SEMA5A: variants seen among roughly 807,000 people sequenced by gnomAD.
SEMA5A encodes the protein semaphorin 5A, also known as semaphorin-5A.
Under a neutral mutation model 135.5 loss-of-function variants are expected in SEMA5A, and 55 were observed. That is an observed-to-expected ratio of 0.41 (90% CI 0.33 to 0.51). The LOEUF (loss-of-function observed/expected upper bound fraction) is 0.51. Among genes scored for constraint, SEMA5A ranks in the 20% least tolerant of loss-of-function variants. The pLI, the probability that SEMA5A is intolerant of heterozygous loss-of-function variation, is 0.37. For missense variants in SEMA5A, 1,290 were observed against 1,419.9 expected (o/e 0.91, Z 1.47); for synonymous variants, 580 against 546.5 (o/e 1.06, Z -0.85).
chr5:9,066,216 C>A (rs1311039583), intron 17 of SEMA5A, among the ~76,000 whole-genome samples: 1 of 152,200 alleles, frequency 6.6e-6, no homozygotes, highest in African/African-American at 2.4e-5. Flanking sequence ...CATAGTATCA[C>A]TTCAATATCT....
intron 1 of SEMA5A, among the ~76,000 whole-genome samples, chr5:9,495,500 A>T (rs1358561866): frequency 1.3e-5 from 2 of 152,170 alleles, no homozygotes; most frequent in Non-Finnish European, 2.9e-5. Flanking sequence ...ATCATTAAAT[A>T]TATATTTATT....
At chr5:9,090,547 G>A (rs966609024) in intron 16 of SEMA5A, among the ~76,000 whole-genome samples, 4 of 152,194 alleles carry the variant, frequency 2.6e-5, no homozygotes, top group Admixed American at 2.6e-4. Flanking sequence ...GGGGACTTCT[G>A]GTGCAACTGT....
intron 2 of SEMA5A, among the ~76,000 whole-genome samples, chr5:9,416,844 T>G (rs1205566130): frequency 6.6e-6 from 1 of 152,162 alleles, no homozygotes; most frequent in African/African-American, 2.4e-5. Flanking sequence ...AAATTTCCTA[T>G]AATGTGCTAC....
chr5:9,380,991 A>T (rs2126483578), intron 2 of SEMA5A, among the ~76,000 whole-genome samples: 1 of 152,264 alleles, frequency 6.6e-6, no homozygotes, highest in South Asian at 2.1e-4. Context: ...AGAGGTACGC[A>T]ACATGTTTTA....
At chr5:9,448,424 T>G (rs532167828) in intron 1 of SEMA5A, among the ~76,000 whole-genome samples, 37 of 152,344 alleles carry the variant, frequency 2.4e-4, no homozygotes, top group Middle Eastern at 3.4e-3. Flanking sequence ...TGACACATGG[T>G]AAACCCCTAG....
chr5:9,422,430 A>G (rs1757500376), intron 2 of SEMA5A: 1 of 152,252 alleles, frequency 6.6e-6, no homozygotes, highest in Admixed American at 6.5e-5. Flanking sequence ...AAGAAGCATC[A>G]TGAAAGGGGA....
intron 4 of SEMA5A, among the ~76,000 whole-genome samples, chr5:9,320,207 C>A (rs1488719245): frequency 1.3e-5 from 2 of 152,184 alleles, no homozygotes; most frequent in Non-Finnish European, 1.5e-5. Context: ...TCAAATCTCA[C>A]CTCTGATATA....
intron 1 of SEMA5A, among the ~76,000 whole-genome samples, chr5:9,499,212 A>C (rs1028388122): frequency 3.3e-5 from 5 of 152,294 alleles, no homozygotes; most frequent in Admixed American, 1.3e-4. Context: ...TGCTCTTAAA[A>C]CTTCACAAAC....
chr5:9,470,094 T>TA (rs1353067340), intron 1 of SEMA5A, among the ~76,000 whole-genome samples: 4 of 152,184 alleles, frequency 2.6e-5, no homozygotes, highest in Non-Finnish European at 5.9e-5. Context: ...ATGAGCATGT[T>TA]AGGGGGGGTT....
chr5:9,054,775 G>A (rs76089462), intron 18 of SEMA5A, among the ~76,000 whole-genome samples: 2,745 of 152,292 alleles, frequency 0.018, 33 homozygotes, highest in Non-Finnish European at 0.027. Context: ...ATAGAGAAAA[G>A]CTAACACGTC....
At chr5:9,335,205 T>C (rs758582818) in intron 4 of SEMA5A, among the ~76,000 whole-genome samples, 1 of 151,754 alleles carries the variant, frequency 6.6e-6, no homozygotes, top group South Asian at 2.1e-4. Flanking sequence ...ATGGAAACCA[T>C]TGGAGATATT....
At chr5:9,060,647 G>T (rs1027482165) in intron 18 of SEMA5A, among the ~76,000 whole-genome samples, 1 of 152,116 alleles carries the variant, frequency 6.6e-6, no homozygotes, top group African/African-American at 2.4e-5. Flanking sequence ...GGCAGAGGAG[G>T]AGTCTCCTGA....
intron 11 of SEMA5A, among the ~76,000 whole-genome samples, chr5:9,185,030 C>A (rs1744731624): frequency 6.6e-6 from 1 of 152,120 alleles, no homozygotes; most frequent in Non-Finnish European, 1.5e-5. Context: ...TAGGCTCAAG[C>A]AATCCTCCCA....
At chr5:9,155,497 C>G (rs1317758758) in intron 11 of SEMA5A, among the ~76,000 whole-genome samples, 3 of 152,182 alleles carry the variant, frequency 2.0e-5, no homozygotes, top group Non-Finnish European at 4.4e-5. Context: ...CTGTGCTGCA[C>G]CCCGCAACTC....
intron 16 of SEMA5A, among the ~76,000 whole-genome samples, chr5:9,088,219 C>T (rs1372950032): frequency 6.6e-6 from 1 of 150,904 alleles, no homozygotes; most frequent in Non-Finnish European, 1.5e-5. Flanking sequence ...CAGGAGAATC[C>T]CTTGAACCCA....
rs142963977 is a variant in SEMA5A at position 9,267,765 on chromosome 5, G to A, written c.271-29875C>T. 1.6e-3 allele frequency among the ~76,000 whole-genome samples: 240 copies of A among 152,198 alleles called. 1 individual carries two copies. The highest frequency in any genetic ancestry group is 2.3e-3 in the Non-Finnish European group (156 of 68,010). ...ATCGACTTCAGAATCATCTCTGGCC[G>A]GGGTGGGCATGGGCGAAGTGGATAA... On this transcript the variant is annotated intron_variant, in intron 5 of 22. Transcript: ENST00000382496.
chr5:9,066,677 T>C (rs1272049914), intron 16 of SEMA5A, 31 bp from the exon 17 acceptor site: 3 of 1,603,494 alleles, frequency 1.9e-6, no homozygotes, highest in Non-Finnish European at 2.6e-6. Context: ...AGTGTTACTA[T>C]ACGGGGTAAA....
chr5:9,154,445 T>C, intron 12 of SEMA5A, 43 bp downstream of exon 12: 1 of 1,597,002 alleles, frequency 6.3e-7, no homozygotes, highest in Non-Finnish European at 8.6e-7. Context: ...GGGTGGGCCC[T>C]TCACACACAC....
intron 2 of SEMA5A, among the ~76,000 whole-genome samples, chr5:9,434,156 G>T (rs909212493): frequency 6.6e-5 from 10 of 152,142 alleles, no homozygotes; most frequent in Non-Finnish European, 1.3e-4. Context: ...ACATTACAGT[G>T]CCTTTACACG....
Sources: allele counts gnomAD v4.1 joint callset (sites outside exome capture counted in the v4.1 genomes callset), GRCh38; gene constraint gnomAD v4.1.1; transcripts MANE v1.5; gene names NCBI Gene and HGNC (gene_info 2026-07-23, HGNC 2026-07-21).